The following TBCD variants were observed in gnomAD, a reference collection of about 807,000 sequenced individuals.
TBCD encodes tubulin-specific chaperone D.
In TBCD, 105 loss-of-function variants were observed where a neutral mutation model predicts 169.3. The observed-to-expected ratio is 0.62, with a 90% CI of 0.53 to 0.73. TBCD has a LOEUF of 0.73. Ranked by LOEUF, TBCD falls within the 30% of genes least tolerant of loss-of-function variation. The pLI, the probability that TBCD is intolerant of heterozygous loss-of-function variation, is 0.00. For synonymous variants in TBCD, 700 were observed against 643.9 expected (o/e 1.09, Z -1.32); for missense variants, 1,444 against 1,600.1 (o/e 0.90, Z 1.66).
intron 13 of TBCD, among the ~76,000 whole-genome samples, chr17:82,817,114 G>A (rs1017652830): frequency 3.3e-5 from 5 of 151,924 alleles, no homozygotes; most frequent in East Asian, 1.9e-4. Context: ...GTTTTATTGC[G>A]TTCCATGGTT....
intron 2 of TBCD, among the ~76,000 whole-genome samples, chr17:82,761,298 A>G (rs2047741836): frequency 6.6e-6 from 1 of 152,118 alleles, no homozygotes; most frequent in African/African-American, 2.4e-5. Flanking sequence ...GCAGGTAAAT[A>G]TTATATGGTT....
At position 82,831,130 on chromosome 17, in the gene TBCD, A is replaced by G. The variant is rs1198452679; in HGVS notation, c.1318+16196A>G. Reference sequence around the variant, plus strand: ...TTGCTCTGGCGGGTAGAGTCTTCCCAGTGCGCTGGAGGCTGCCTTGTTGGA... The same window carrying G: ...TTGCTCTGGCGGGTAGAGTCTTCCCGGTGCGCTGGAGGCTGCCTTGTTGGA... On this transcript the variant is annotated intron_variant, in intron 13 of 38. Transcript: ENST00000355528. The surrounding 1 kb of genome is among the most constrained non-coding windows in gnomAD (Gnocchi z 4.6). 2 of 1,614,076 alleles carry G rather than the reference A, an allele frequency of 1.2e-6. No homozygotes were observed. Among genetic ancestry groups the G allele is most frequent in the Admixed American group, 3.3e-5 (2 of 60,014 alleles).
At chr17:82,845,436 G>A (rs114406019) in intron 13 of TBCD, among the ~76,000 whole-genome samples, 2 of 142,202 alleles carry the variant, frequency 1.4e-5, no homozygotes, top group African/African-American at 2.7e-5. Context: ...TGTCCGGCCC[G>A]GCCCCTTCCT....
chr17:82,862,889 A>C (rs1230039519), intron 13 of TBCD, among the ~76,000 whole-genome samples: 1 of 152,084 alleles, frequency 6.6e-6, no homozygotes, highest in South Asian at 2.1e-4. Context: ...CACGCGTCCG[A>C]GGTGGCTGCC....
chr17:82,831,734 C>G lies in TBCD; in HGVS notation c.1318+16800C>G, dbSNP rs1202800235. ...TCTGTGTAAAAGTGAGGCGGGTACTCTGGGATTGTGGGGTGCATGTAAGGG... is the reference window on the plus strand; with the variant it reads ...TCTGTGTAAAAGTGAGGCGGGTACTGTGGGATTGTGGGGTGCATGTAAGGG... On this transcript the variant is annotated intron_variant, in intron 13 of 38. Coordinates refer to ENST00000355528, the MANE Select transcript of TBCD (RefSeq NM_005993.5). This position sits in a 1 kb window ranked among gnomAD's most constrained non-coding sequence, Gnocchi z 4.6. 6 of 1,613,962 alleles carry G rather than the reference C, an allele frequency of 3.7e-6. No homozygotes were observed. The highest frequency in any genetic ancestry group is 5.1e-6 in the Non-Finnish European group (6 of 1,180,028).
intron 13 of TBCD, among the ~76,000 whole-genome samples, chr17:82,838,452 T>C (rs1328366085): frequency 6.6e-6 from 1 of 152,152 alleles, no homozygotes; most frequent in Non-Finnish European, 1.5e-5. Context: ...TGCCCTGAGA[T>C]TGTGCTGTAA....
chr17:82,833,584 C>T lies in TBCD; in HGVS notation c.1318+18650C>T, dbSNP rs865974997. On this transcript the variant is annotated intron_variant, in intron 13 of 38. Transcript: ENST00000355528. The surrounding 1 kb of genome is among the most constrained non-coding windows in gnomAD (Gnocchi z 4.7). Reference sequence around the variant, plus strand: ...AGCAGCATTGTGAGACATGCTTTCACGGTCACCCGGTTCCTGCTGGCCAGG... The same window carrying T: ...AGCAGCATTGTGAGACATGCTTTCATGGTCACCCGGTTCCTGCTGGCCAGG... Among the ~76,000 whole-genome samples, 10 of 152,204 alleles carry T rather than the reference C, an allele frequency of 6.6e-5. No homozygotes were observed. Among genetic ancestry groups the T allele is most frequent in the Admixed American group, 3.3e-4 (5 of 15,284 alleles).
chr17:82,849,946 T>C lies in TBCD; in HGVS notation c.1319-20278T>C, dbSNP rs990930840. Among the ~76,000 whole-genome samples, 925 of 126,306 alleles carry C rather than the reference T, an allele frequency of 7.3e-3. 1 individual carries two copies. Among genetic ancestry groups the C allele is most frequent in the Non-Finnish European group, 0.011 (630 of 59,716 alleles). 82.9% of individuals were successfully genotyped at this position (126,306 alleles called of 152,430 possible). ...GGCTGTTTTGCTGTTGGCTGTGCTG[T>C]TGTTGCCTGTGCTGCTGTTGGCTGT... On this transcript the variant is annotated intron_variant, in intron 13 of 38. Transcript: ENST00000355528.
intron 1 of TBCD, among the ~76,000 whole-genome samples, chr17:82,755,026 C>A (rs560389875): frequency 3.3e-5 from 5 of 152,318 alleles, no homozygotes; most frequent in South Asian, 4.1e-4. Flanking sequence ...CTTAGTTTTA[C>A]ACGTTTTAGG....
At chr17:82,824,326 C>T (rs566678607) in intron 13 of TBCD, among the ~76,000 whole-genome samples, 7 of 151,626 alleles carry the variant, frequency 4.6e-5, no homozygotes, top group South Asian at 2.1e-4. Context: ...GGACTACAGG[C>T]GCCCGCCACC....
intron 7 of TBCD, among the ~76,000 whole-genome samples, chr17:82,786,010 G>A (rs547626216): frequency 1.3e-5 from 2 of 152,270 alleles, no homozygotes; most frequent in East Asian, 1.9e-4. Context: ...GATATGTCCC[G>A]CACACCTGCT....
At chr17:82,808,535 G>T (rs1360267364) in intron 11 of TBCD, among the ~76,000 whole-genome samples, 1 of 130,974 alleles carries the variant, frequency 7.6e-6, no homozygotes, top group African/African-American at 2.9e-5. Flanking sequence ...AGGGGATGAG[G>T]CAGGTGGAGG....
chr17:82,785,620 C>T (rs112954136), intron 7 of TBCD, among the ~76,000 whole-genome samples: 3 of 31,916 alleles, frequency 9.4e-5, no homozygotes, highest in Admixed American at 2.4e-4. Flanking sequence ...CCACTGGACC[C>T]GACCCATCGC....
intron 13 of TBCD, among the ~76,000 whole-genome samples, chr17:82,855,235 C>CTTTTTTTTTTTTTTT (rs58346723): frequency 5.6e-5 from 3 of 53,992 alleles, no homozygotes; most frequent in African/African-American, 2.0e-4. Flanking sequence ...AAGGTGTTTG[C>CTTTTTTTTTTTTTTT]TTTTTTTTTT....
At chr17:82,804,293 C>A (rs960286247) in intron 9 of TBCD, among the ~76,000 whole-genome samples, 1 of 152,144 alleles carries the variant, frequency 6.6e-6, no homozygotes, top group Non-Finnish European at 1.5e-5. Context: ...TTACAGTGTA[C>A]CCCGAAATTT....
rs2063222305 is a variant in TBCD at position 82,941,316 on chromosome 17, T to C, written c.3480-83T>C. On this transcript the variant is annotated intron_variant, in intron 37 of 38. Coordinates refer to ENST00000355528, the MANE Select transcript of TBCD (RefSeq NM_005993.5). ...GGTCTCCTTTCCCTGACTGCGGCCA[T>C]GGAAGCTTGACGCGGGACCTCCGCA... 5.7e-6 allele frequency: 7 copies of C among 1,229,708 alleles called. No homozygotes were observed. The African/African-American group carries it at 7.6e-5, about 13-fold the overall frequency. 76.2% of individuals were successfully genotyped at this position (1,229,708 alleles called of 1,614,324 possible). A position where few individuals can be genotyped will look rare whatever the true frequency, so the allele number is the denominator to read the frequency against.
intron 15 of TBCD, among the ~76,000 whole-genome samples, chr17:82,885,776 A>G (rs1465976534): frequency 2.0e-5 from 3 of 152,196 alleles, no homozygotes; most frequent in East Asian, 3.8e-4. Flanking sequence ...TCACATTAAA[A>G]TCCCTTTAAA....
At chr17:82,916,089 C>T (rs911941095) in intron 23 of TBCD, among the ~76,000 whole-genome samples, 1 of 152,242 alleles carries the variant, frequency 6.6e-6, no homozygotes, top group Non-Finnish European at 1.5e-5. Flanking sequence ...TTTACCCACA[C>T]AGCCACCTGC....
chr17:82,815,080 G>A, intron 13 of TBCD, 146 bp downstream of exon 13: 1 of 1,354,352 alleles, frequency 7.4e-7, no homozygotes, highest in Non-Finnish European at 9.9e-7. Flanking sequence ...GCAGGCTGCA[G>A]CCCTTCGTCT....
Sources: gnomAD v4.1 joint callset for allele counts (sites outside exome capture counted in the v4.1 genomes callset) on GRCh38, gnomAD v4.1.1 for gene constraint, Gnocchi (gnomAD v3.1) non-coding constraint, MANE v1.5 for transcripts, NCBI Gene and HGNC (gene_info 2026-07-23, HGNC 2026-07-21) for gene names.